Variants in DNMBP observed in about 807,000 individuals in gnomAD.
DNMBP encodes the protein dynamin-binding protein.
A neutral mutation model predicts 150.0 loss-of-function variants in DNMBP; 87 were observed. The observed-to-expected ratio is 0.58, with a 90% CI of 0.49 to 0.69. DNMBP has a LOEUF of 0.69. Among genes scored for constraint, DNMBP ranks in the 30% least tolerant of loss-of-function variants. DNMBP has a pLI of 0.00. For missense variants in DNMBP, 1,774 were observed against 1,949.0 expected (o/e 0.91, Z 1.69); for synonymous variants, 711 against 750.4 (o/e 0.95, Z 0.86).
chr10:99,917,968 CAAAA>C (rs749252887), intron 4 of DNMBP, among the ~76,000 whole-genome samples: 1 of 52,262 alleles, frequency 1.9e-5, no homozygotes, highest in East Asian at 6.3e-4. Flanking sequence ...GACTCTGTCT[CAAAA>C]AAAAAAAAAA....
intron 1 of DNMBP, among the ~76,000 whole-genome samples, chr10:99,978,797 A>G (rs1002560416): frequency 6.6e-6 from 1 of 150,728 alleles, no homozygotes; most frequent in Non-Finnish European, 1.5e-5. Flanking sequence ...GTGGTCTTGA[A>G]CTCCTCAACT....
intron 14 of DNMBP, 37 bp from the exon 15 acceptor site, chr10:99,884,246 C>G: frequency 6.4e-7 from 1 of 1,567,930 alleles, no homozygotes; most frequent in Non-Finnish European, 8.8e-7. Flanking sequence ...CTCTCAGTGG[C>G]CACTACCCCA....
Position 99,876,857 on chromosome 10 carries a change from T to C in DNMBP, c.*294A>G, listed in dbSNP as rs982200981. The C allele has an allele frequency of 6.7e-6, 2 of 299,162 alleles. No homozygotes were observed. The highest frequency in any genetic ancestry group is 4.4e-5 in the African/African-American group (2 of 45,900). The allele number at this position is 299,162 out of a possible 1,614,324, so 18.5% of individuals were successfully genotyped here. On this transcript the variant is annotated 3_prime_UTR_variant, in exon 17 of 17. Transcript: ENST00000324109. ...CTGCATACATAGGACACTGGGCTTC[T>C]GACTGCAAGTTTCTCCTTTCCAAAA...
Position 99,930,380 on chromosome 10 carries a change from C to T in DNMBP, c.2261-21234G>A, listed in dbSNP as rs570438381. 2.7e-5 allele frequency: 19 copies of T among 702,950 alleles called. No homozygotes were observed. In the East Asian group the frequency reaches 4.0e-4, roughly 15 times the overall value. The allele number at this position is 702,950 out of a possible 1,614,324, so 43.5% of individuals were successfully genotyped here. On this transcript the variant is annotated intron_variant, in intron 4 of 16. Transcript: ENST00000324109. ...TTGCCTCCCCGTATCCACCAGCTTTCGAGGTCACATCTGGGCTTCTCGTAG... is the reference window on the plus strand; with the variant it reads ...TTGCCTCCCCGTATCCACCAGCTTTTGAGGTCACATCTGGGCTTCTCGTAG...
chr10:99,981,610 AT>A (rs1316500196), intron 1 of DNMBP, among the ~76,000 whole-genome samples: 1 of 152,210 alleles, frequency 6.6e-6, no homozygotes, highest in East Asian at 1.9e-4. Flanking sequence ...GTAATTTCTA[AT>A]GTGGCCTTTG....
In DNMBP at chr10:99,898,142, A is replaced by G; in HGVS notation, c.2864T>C (p.Leu955Pro). The G allele has an allele frequency of 1.9e-6, 3 of 1,614,092 alleles. No individual in the cohort carries two copies. Among genetic ancestry groups the G allele is most frequent in the Non-Finnish European group, 2.5e-6 (3 of 1,180,010 alleles). The change falls in exon 9 of 17, where the codon CTT becomes CCT. Residue 955 changes from leucine to proline, a missense_variant. Physicochemically the swap from Leu to Pro is moderately conservative, Grantham distance 98 (BLOSUM62 -3). This residue lies in a region of DNMBP where 1,430 missense variants were observed against 1,492.5 expected (regional missense o/e 0.96). Transcript: ENST00000324109. ...PDKVPLTNAV[L>P]AVKEINVNIN... Reference sequence around the variant, plus strand: ...GTTAACGTTGATTTCCTTGACCGCAAGGACTGCATTGGTTAAAGGCACTTT... The same window carrying G: ...GTTAACGTTGATTTCCTTGACCGCAGGGACTGCATTGGTTAAAGGCACTTT...
chr10:99,930,542 A>G (rs1322784182), intron 4 of DNMBP: 2 of 702,822 alleles, frequency 2.8e-6, no homozygotes, highest in East Asian at 5.4e-5. Context: ...AGCTTGGTTC[A>G]CTCTGTTCAA....
chr10:99,907,077 G>A (rs192831021), intron 6 of DNMBP, among the ~76,000 whole-genome samples: 52 of 152,180 alleles, frequency 3.4e-4, no homozygotes, highest in South Asian at 1.7e-3. Flanking sequence ...GTGGGAGGCC[G>A]AGGTGGGTAG....
chr10:99,978,783 G>A (rs2040754415), intron 1 of DNMBP, among the ~76,000 whole-genome samples: 1 of 152,146 alleles, frequency 6.6e-6, no homozygotes, highest in Non-Finnish European at 1.5e-5. Context: ...TGTTGCCCAG[G>A]CTGGTGGTCT....
intron 4 of DNMBP, chr10:99,930,316 C>G: frequency 1.4e-6 from 1 of 702,994 alleles, no homozygotes; most frequent in Non-Finnish European, 2.6e-6. Flanking sequence ...TTAGAGTCCT[C>G]AGGATTATAA....
intron 11 of DNMBP, 143 bp from the exon 12 acceptor site, chr10:99,889,096 A>G: frequency 1.1e-6 from 1 of 913,778 alleles, no homozygotes; most frequent in Non-Finnish European, 1.6e-6. Context: ...TTAGCTTTGA[A>G]ATAAGCATAT....
chr10:100,008,385 G>C (rs1322574443), intron 1 of DNMBP, among the ~76,000 whole-genome samples: 1 of 152,184 alleles, frequency 6.6e-6, no homozygotes, highest in Non-Finnish European at 1.5e-5. Context: ...AGTTATCAGT[G>C]CACTGCACGA....
intron 3 of DNMBP, among the ~76,000 whole-genome samples, chr10:99,964,517 A>AG (rs2040598682): frequency 6.8e-6 from 1 of 148,058 alleles, no homozygotes; most frequent in South Asian, 2.1e-4. Context: ...TAGGATAGTC[A>AG]GGGGCACTGG....
chr10:99,924,649 C>T (rs1237540034), intron 4 of DNMBP, among the ~76,000 whole-genome samples: 1 of 152,134 alleles, frequency 6.6e-6, no homozygotes, highest in African/African-American at 2.4e-5. Context: ...CAAGTACAGA[C>T]ATTAGTTAAT....
chr10:99,939,482 G>A (rs1018609399), intron 4 of DNMBP, among the ~76,000 whole-genome samples: 3 of 152,230 alleles, frequency 2.0e-5, no homozygotes, highest in African/African-American at 7.2e-5. Context: ...TTACAACAAT[G>A]AAAGAGATTG....
At chr10:99,963,573 A>C (rs2040586374) in intron 3 of DNMBP, among the ~76,000 whole-genome samples, 1 of 147,296 alleles carries the variant, frequency 6.8e-6, no homozygotes, top group Admixed American at 6.9e-5. Context: ...TGCACGAGCA[A>C]GACCAGATTT....
rs747837892 is a variant in DNMBP at position 99,880,376 on chromosome 10, G to A, written c.3998-15C>T. 1.3e-6 allele frequency: 2 copies of A among 1,547,318 alleles called. No individual in the cohort carries two copies. The highest frequency in any genetic ancestry group is 1.9e-5 in the Admixed American group (1 of 51,872). ...GCCTTTGGTGACTACAAAGGAAACA[G>A]GAAATATAAACAAGAACTCTTAGCA... is the stretch of plus-strand genomic sequence containing the variant. On this transcript the variant is annotated splice_polypyrimidine_tract_variant and intron_variant, in intron 15 of 16. Coordinates refer to ENST00000324109, the MANE Select transcript of DNMBP (RefSeq NM_015221.4).
At chr10:99,927,793 G>C (rs972208573) in intron 4 of DNMBP, among the ~76,000 whole-genome samples, 1 of 152,184 alleles carries the variant, frequency 6.6e-6, no homozygotes, top group Non-Finnish European at 1.5e-5. Flanking sequence ...GGGTGGAACC[G>C]AGCTGGTTTC....
chr10:99,955,147 T>G, intron 4 of DNMBP, 67 bp downstream of exon 4: 1 of 1,418,202 alleles, frequency 7.1e-7, no homozygotes, highest in Non-Finnish European at 9.7e-7. Context: ...CTAAAAAGCC[T>G]GGGTAGGCTG....
Sources: allele counts gnomAD v4.1 joint callset (sites outside exome capture counted in the v4.1 genomes callset), GRCh38; gene constraint gnomAD v4.1.1; regional missense constraint gnomAD v4.1.1; transcripts MANE v1.5; gene names NCBI Gene and HGNC (gene_info 2026-07-23, HGNC 2026-07-21).